PIP4K2A: variants seen among roughly 807,000 people sequenced by gnomAD.
The protein encoded by PIP4K2A is phosphatidylinositol 5-phosphate 4-kinase type-2 alpha.
A neutral mutation model predicts 42.9 loss-of-function variants in PIP4K2A; 14 were observed. That is an observed-to-expected ratio of 0.33 (90% CI 0.22 to 0.51). PIP4K2A has a LOEUF of 0.51. Ranked by LOEUF, PIP4K2A falls within the 20% of genes least tolerant of loss-of-function variation. The pLI is 0.97. For synonymous variants in PIP4K2A, 192 were observed against 192.2 expected (o/e 1.00, Z 0.01); for missense variants, 434 against 519.8 (o/e 0.83, Z 1.61).
chr10:22,642,263 T>C (rs956658744), intron 1 of PIP4K2A, among the ~76,000 whole-genome samples: 6 of 151,408 alleles, frequency 4.0e-5, no homozygotes, highest in African/African-American at 1.5e-4. Flanking sequence ...TTCTGTCACT[T>C]ACAACCTCAG....
intron 6 of PIP4K2A, among the ~76,000 whole-genome samples, 172 bp from the exon 7 acceptor site, chr10:22,550,944 G>A (rs1483575649): frequency 6.6e-6 from 1 of 152,122 alleles, no homozygotes; most frequent in Non-Finnish European, 1.5e-5. Context: ...GAATACCACC[G>A]GGGGGCGCCA....
At chr10:22,670,016 T>C (rs1252822428) in intron 1 of PIP4K2A, among the ~76,000 whole-genome samples, 1 of 152,218 alleles carries the variant, frequency 6.6e-6, no homozygotes, top group Non-Finnish European at 1.5e-5. Flanking sequence ...ATTGTGTTTC[T>C]TAGTGCTTCC....
intron 1 of PIP4K2A, among the ~76,000 whole-genome samples, chr10:22,709,131 C>T (rs1225803791): frequency 6.6e-6 from 1 of 151,756 alleles, no homozygotes; most frequent in Non-Finnish European, 1.5e-5. Context: ...TAAAAGTCCC[C>T]GATTGATAAA....
rs765055028 is a variant in PIP4K2A, at chr10:22,600,558, G to A, written c.339+7369C>T. Among the ~76,000 whole-genome samples, 42 of 152,128 alleles carry A rather than the reference G, an allele frequency of 2.8e-4. 1 individual carries two copies. The highest frequency in any genetic ancestry group is 1.4e-3 in the Admixed American group (21 of 15,276). On this transcript the variant is annotated intron_variant, in intron 3 of 9. Coordinates refer to ENST00000376573, the MANE Select transcript of PIP4K2A (RefSeq NM_005028.5). ...CTCAACCAGGCCTCCTAACTTCCCGGAAATATTCTTTTCCCCAACCCTGGC... is the reference window on the plus strand; with the variant it reads ...CTCAACCAGGCCTCCTAACTTCCCGAAAATATTCTTTTCCCCAACCCTGGC...
intron 1 of PIP4K2A, among the ~76,000 whole-genome samples, chr10:22,703,699 G>C (rs954950583): frequency 1.3e-5 from 2 of 152,196 alleles, no homozygotes; most frequent in Non-Finnish European, 2.9e-5. Flanking sequence ...CTACAGTTTA[G>C]CAAGATTCCT....
chr10:22,573,704 T>C (rs1283766937), intron 4 of PIP4K2A, among the ~76,000 whole-genome samples: 3 of 152,268 alleles, frequency 2.0e-5, no homozygotes, highest in South Asian at 4.1e-4. Flanking sequence ...ATGGAATTTG[T>C]ATGGTCAAAC....
chr10:22,554,201 CAAG>C (rs1028287975), intron 6 of PIP4K2A, among the ~76,000 whole-genome samples: 4 of 152,112 alleles, frequency 2.6e-5, no homozygotes, highest in Non-Finnish European at 5.9e-5. Flanking sequence ...GATTCACTCT[CAAG>C]AAAATCTTAC....
chr10:22,660,246 G>A (rs781066819), intron 1 of PIP4K2A, among the ~76,000 whole-genome samples: 19 of 152,126 alleles, frequency 1.2e-4, no homozygotes, highest in Non-Finnish European at 8.8e-5. Context: ...CAAGGCGGGC[G>A]GATTGCCTGA....
At chr10:22,592,146 G>A (rs904821285) in intron 3 of PIP4K2A, among the ~76,000 whole-genome samples, 5 of 152,196 alleles carry the variant, frequency 3.3e-5, no homozygotes, top group African/African-American at 7.2e-5. Flanking sequence ...TACAGTCACT[G>A]AGCATTTCCT....
At chr10:22,605,975 A>G (rs572443406) in intron 3 of PIP4K2A, among the ~76,000 whole-genome samples, 15 of 152,218 alleles carry the variant, frequency 9.9e-5, no homozygotes, top group Non-Finnish European at 2.1e-4. Flanking sequence ...ATTTTCTGTT[A>G]AAGTTAATTA....
chr10:22,613,548 G>T (rs1838104424), intron 1 of PIP4K2A, among the ~76,000 whole-genome samples: 1 of 152,154 alleles, frequency 6.6e-6, no homozygotes, highest in East Asian at 1.9e-4. Context: ...TTTTCTCTGG[G>T]GATTAGGGCC....
chr10:22,641,619 A>T (rs574671910), intron 1 of PIP4K2A, among the ~76,000 whole-genome samples: 93 of 149,264 alleles, frequency 6.2e-4, no homozygotes, highest in East Asian at 1.8e-3. Context: ...GTTTTTTTTT[A>T]AAAAAAAAAT....
intron 1 of PIP4K2A, among the ~76,000 whole-genome samples, chr10:22,671,827 C>T (rs1020925309): frequency 1.3e-5 from 2 of 151,748 alleles, no homozygotes; most frequent in African/African-American, 2.4e-5. Flanking sequence ...TGCAGAGACG[C>T]TGTTGTTCTT....
intron 1 of PIP4K2A, among the ~76,000 whole-genome samples, chr10:22,686,588 A>G (rs1471509715): frequency 6.6e-6 from 1 of 152,158 alleles, no homozygotes; most frequent in African/African-American, 2.4e-5. Context: ...GTTCCACCTC[A>G]GCCTCCTGAG....
intron 1 of PIP4K2A, among the ~76,000 whole-genome samples, chr10:22,667,988 A>G (rs35630731): frequency 0.38 from 56,304 of 147,590 alleles, 11,638 homozygotes; most frequent in Non-Finnish European, 0.43. Context: ...GTCTCACTCT[A>G]TCACCCAGGC....
chr10:22,537,109 G>C lies in PIP4K2A; in HGVS notation c.*92C>G, dbSNP rs998181316. ...CAAGGAGGTTTGCTTCCTGCAAGAT[G>C]AGTACTTCACTGAGTTTGGTTTTCA... On this transcript the variant is annotated 3_prime_UTR_variant, in exon 10 of 10. Transcript: ENST00000376573. 1.4e-5 allele frequency: 13 copies of C among 911,990 alleles called. No homozygotes were observed. The highest frequency in any genetic ancestry group is 2.2e-5 in the Non-Finnish European group (13 of 579,362). 56.5% of individuals were successfully genotyped at this position (911,990 alleles called of 1,614,324 possible).
chr10:22,582,108 G>GAA (rs56798349), intron 4 of PIP4K2A, among the ~76,000 whole-genome samples: 1 of 140,070 alleles, frequency 7.1e-6, no homozygotes, highest in Non-Finnish European at 1.6e-5. Flanking sequence ...TCTCAAAAAA[G>GAA]AAAAAAAAAA....
rs1002492534 is a variant in PIP4K2A, at chr10:22,674,415, C to CAAAAAAAAA, written c.144+39759_144+39767dup. Reference sequence around the variant, plus strand: ...AGACAAGAGACAAGACACTTGGGAGCAAAAAAAAAAAAAAAAAAAAAAAGA... The same window carrying CAAAAAAAAA: ...AGACAAGAGACAAGACACTTGGGAGCAAAAAAAAAAAAAAAAAAAAAAAAAAAAAAAAGA... On this transcript the variant is annotated intron_variant, in intron 1 of 9. Transcript: ENST00000376573. 2.3e-4 allele frequency among the ~76,000 whole-genome samples: 14 copies of CAAAAAAAAA among 61,120 alleles called. 1 individual carries two copies. The highest frequency in any genetic ancestry group is 5.1e-4 in the African/African-American group (10 of 19,608). 40.1% of individuals were successfully genotyped at this position (61,120 alleles called of 152,430 possible).
intron 1 of PIP4K2A, among the ~76,000 whole-genome samples, chr10:22,620,077 A>G (rs1838286856): frequency 6.6e-6 from 1 of 152,222 alleles, no homozygotes; most frequent in Non-Finnish European, 1.5e-5. Flanking sequence ...TGTCATCAGA[A>G]ATATTTAAAC....
Sources: allele counts gnomAD v4.1 joint callset (sites outside exome capture counted in the v4.1 genomes callset), GRCh38; gene constraint gnomAD v4.1.1; transcripts MANE v1.5; gene names NCBI Gene and HGNC (gene_info 2026-07-23, HGNC 2026-07-21).